ROR1: variants seen among roughly 807,000 people sequenced by gnomAD.
ROR1 encodes the protein inactive tyrosine-protein kinase transmembrane receptor ROR1.
In ROR1, 19 loss-of-function variants were observed where a neutral mutation model predicts 78.8. The ratio of observed to expected loss-of-function variants is 0.24; its 90% CI spans 0.17 to 0.35. ROR1 has a LOEUF of 0.35. ROR1 is among the 10% of genes least tolerant of loss of function. ROR1 has a pLI of 1.00. For synonymous variants in ROR1, 386 were observed against 433.6 expected, an observed-to-expected ratio of 0.89 and a Z score of 1.36; for missense variants, 917 against 1,177.8, an observed-to-expected ratio of 0.78 and a Z score of 3.24.
At chr1:63,974,113 A>G (rs535353222) in intron 1 of ROR1, among the ~76,000 whole-genome samples, 2 of 152,360 alleles carry the variant, frequency 1.3e-5, no homozygotes, top group South Asian at 4.1e-4. Context: ...ATAAATACTA[A>G]TTCTGGTAAC....
chr1:63,877,913 C>T (rs758591715), intron 1 of ROR1, among the ~76,000 whole-genome samples: 13 of 152,084 alleles, frequency 8.5e-5, no homozygotes, highest in Non-Finnish European at 4.4e-5. Flanking sequence ...TGTTAATGTG[C>T]GCAGGTGAGG....
intron 1 of ROR1, among the ~76,000 whole-genome samples, chr1:63,777,449 G>A (rs930599088): frequency 1.3e-5 from 2 of 152,224 alleles, no homozygotes; most frequent in Non-Finnish European, 2.9e-5. Flanking sequence ...GCTAGGGGGA[G>A]CCGAACCAAG....
chr1:63,843,203 G>A, intron 1 of ROR1: 5 of 1,444,132 alleles, frequency 3.5e-6, no homozygotes, highest in Non-Finnish European at 4.8e-6. Context: ...ACAAAGGCTT[G>A]TCCTCTAGGG....
intron 2 of ROR1, among the ~76,000 whole-genome samples, chr1:64,025,614 T>C (rs76779077): frequency 6.6e-6 from 1 of 151,120 alleles, no homozygotes; most frequent in Non-Finnish European, 1.5e-5. Context: ...TACATACACA[T>C]ATACACACAT....
intron 1 of ROR1, among the ~76,000 whole-genome samples, chr1:63,994,822 T>G (rs1646324358): frequency 6.6e-6 from 1 of 152,232 alleles, no homozygotes; most frequent in Non-Finnish European, 1.5e-5. Flanking sequence ...GAGATCAAGT[T>G]GCCCATCTCA....
intron 1 of ROR1, among the ~76,000 whole-genome samples, chr1:63,876,788 C>A (rs1229951600): frequency 6.6e-6 from 1 of 151,524 alleles, no homozygotes; most frequent in Non-Finnish European, 1.5e-5. Context: ...GGCTATACAG[C>A]AATGAGGTTG....
chr1:64,004,658 C>T (rs1570045128), intron 1 of ROR1, among the ~76,000 whole-genome samples: 2 of 152,172 alleles, frequency 1.3e-5, no homozygotes, highest in African/African-American at 4.8e-5. Context: ...CTTGGAAGGG[C>T]CTCCACATCC....
chr1:64,018,290 T>A (rs1646537623), intron 2 of ROR1, among the ~76,000 whole-genome samples: 1 of 152,156 alleles, frequency 6.6e-6, no homozygotes, highest in Non-Finnish European at 1.5e-5. Context: ...CTCCCTCAGT[T>A]TCCTGCTTCT....
In ROR1 at chr1:64,177,901, T is replaced by C. The variant is rs1650430426; in HGVS notation, c.1860T>C (p.Asn620=). The change falls in exon 9 of 9, where the codon AAT becomes AAC. Residue 620 remains asparagine (N), a synonymous_variant. Transcript: ENST00000371079. Reference sequence around the variant, plus strand: ...TCCACAAGGACCTTGCAGCTCGCAATATTTTAATCGGAGAGCAACTTCATG... The same window carrying C: ...TCCACAAGGACCTTGCAGCTCGCAACATTTTAATCGGAGAGCAACTTCATG... ...FFVHKDLAAR[N]ILIGEQLHVK... is the part of the protein sequence containing the mutation. The C allele has an allele frequency of 5.0e-6, 8 of 1,614,096 alleles. No homozygotes were observed. The highest frequency in any genetic ancestry group is 3.3e-4 in the Middle Eastern group (2 of 6,084).
chr1:63,803,287 A>T (rs1008859974), intron 1 of ROR1, among the ~76,000 whole-genome samples: 1 of 152,196 alleles, frequency 6.6e-6, no homozygotes, highest in Non-Finnish European at 1.5e-5. Context: ...AATTATCTAC[A>T]TTGTATTTAA....
Position 64,179,024 on chromosome 1 carries a change from G to GAAAAAAAAAAAAAAA in ROR1, c.*177_*191dup, listed in dbSNP as rs10709706. 6.6e-6 allele frequency: 1 copy of GAAAAAAAAAAAAAAA among 152,180 alleles called. No individual in the cohort carries two copies. The highest frequency in any genetic ancestry group is 1.2e-5 in the Non-Finnish European group (1 of 85,062). 9.4% of individuals were successfully genotyped at this position (152,180 alleles called of 1,614,324 possible). On this transcript the variant is annotated 3_prime_UTR_variant, in exon 9 of 9. Coordinates refer to ENST00000371079, the MANE Select transcript of ROR1 (RefSeq NM_005012.4). Reference sequence around the variant, plus strand: ...ACCAAGCAGGACAGACACTCGGCCAGAAAAAAAAAAAAAAAAAAAAAACAA... The same window carrying GAAAAAAAAAAAAAAA: ...ACCAAGCAGGACAGACACTCGGCCAGAAAAAAAAAAAAAAAAAAAAAAAAAAAAAAAAAAAAACAA...
chr1:64,021,047 C>T (rs1646560737), intron 2 of ROR1, among the ~76,000 whole-genome samples: 1 of 151,854 alleles, frequency 6.6e-6, no homozygotes, highest in African/African-American at 2.4e-5. Flanking sequence ...AAAAAATGCC[C>T]CAAGCCTTAG....
At chr1:63,776,352 G>T (rs1008809489) in intron 1 of ROR1, among the ~76,000 whole-genome samples, 3 of 152,130 alleles carry the variant, frequency 2.0e-5, no homozygotes, top group African/African-American at 7.2e-5. Flanking sequence ...TTTAAAAAAG[G>T]TATTGCCTAT....
At chr1:64,058,050 T>TTTCTTAAGTTTA (rs1349508157) in intron 4 of ROR1, among the ~76,000 whole-genome samples, 1 of 152,176 alleles carries the variant, frequency 6.6e-6, no homozygotes, top group Non-Finnish European at 1.5e-5. Context: ...CTTGCTCTCT[T>TTTCTTAAGTTTA]TTCTTAAGTT....
chr1:64,141,605 C>T (rs562536606), intron 6 of ROR1, among the ~76,000 whole-genome samples: 1 of 152,270 alleles, frequency 6.6e-6, no homozygotes, highest in African/African-American at 2.4e-5. Context: ...TGCCTCCATC[C>T]CCTACCCCAT....
In ROR1 at chr1:63,847,585, CG is replaced by C. The variant is rs1289321911; in HGVS notation, c.91+73078del. On this transcript the variant is annotated intron_variant, in intron 1 of 8. Transcript: ENST00000371079. ...GCTGGCGTCTCTGTGCATCTGGCAG[CG>C]CAACAAAGGACTTCTGTCTGCCCTG... Among the ~76,000 whole-genome samples, 16 of 152,206 alleles carry C rather than the reference CG, an allele frequency of 1.1e-4. No individual in the cohort carries two copies. The East Asian group carries it at 3.1e-3, about 29-fold the overall frequency.
At chr1:63,833,990 C>CTTTTTTTTTTTTTTTTTTTTTT (rs71056008) in intron 1 of ROR1, among the ~76,000 whole-genome samples, 2 of 132,022 alleles carry the variant, frequency 1.5e-5, no homozygotes, top group African/African-American at 2.8e-5. Context: ...TCTTCTTCTT[C>CTTTTTTTTTTTTTTTTTTTTTT]TTTTTTTTTT....
At chr1:63,928,117 C>T (rs547261790) in intron 1 of ROR1, among the ~76,000 whole-genome samples, 6 of 152,232 alleles carry the variant, frequency 3.9e-5, no homozygotes, top group South Asian at 2.1e-4. Context: ...TACAGGGAGT[C>T]GGGGAAATGC....
At chr1:63,819,800 A>G (rs1221352000) in intron 1 of ROR1, among the ~76,000 whole-genome samples, 1 of 152,204 alleles carries the variant, frequency 6.6e-6, no homozygotes, top group Non-Finnish European at 1.5e-5. Flanking sequence ...ATTAATACCT[A>G]CATCATAGTC....
Sources: gnomAD v4.1 joint callset for allele counts (sites outside exome capture counted in the v4.1 genomes callset) on GRCh38, gnomAD v4.1.1 for gene constraint, MANE v1.5 for transcripts, NCBI Gene and HGNC (gene_info 2026-07-23, HGNC 2026-07-21) for gene names.